TASP1: variants seen among roughly 807,000 people sequenced by gnomAD.
The protein encoded by TASP1 is taspase 1.
Under a neutral mutation model 56.6 loss-of-function variants are expected in TASP1, and 16 were observed. The observed-to-expected ratio is 0.28, with a 90% confidence interval of 0.19 to 0.43. TASP1 has a LOEUF of 0.43. TASP1 is among the 20% of genes least tolerant of loss of function. TASP1 has a pLI of 1.00. For missense variants in TASP1, 393 were observed against 511.6 expected (o/e 0.77, Z 2.24); for synonymous variants, 179 against 184.2 (o/e 0.97, Z 0.23).
chr20:13,566,923 TGAGTATATACCCAAAG>T (rs1438528542), intron 7 of TASP1, among the ~76,000 whole-genome samples: 15 of 152,200 alleles, frequency 9.9e-5, no homozygotes, highest in Non-Finnish European at 1.9e-4. Flanking sequence ...ACCCCGTTAC[TGAGTATATACCCAAAG>T]GAATACAAGT....
the TASP1 span, among the ~76,000 whole-genome samples, chr20:13,193,738 G>A: frequency 6.6e-6 from 1 of 152,202 alleles, no homozygotes; most frequent in African/African-American, 2.4e-5. Flanking sequence ...CATTTCCTTT[G>A]GCATTTGTCC....
chr20:13,200,423 A>G, the TASP1 span, among the ~76,000 whole-genome samples: 4 of 152,114 alleles, frequency 2.6e-5, no homozygotes, highest in Non-Finnish European at 5.9e-5. Flanking sequence ...TCAACCCCAC[A>G]CCTACAAAAT....
the TASP1 span, among the ~76,000 whole-genome samples, chr20:13,291,986 T>C: frequency 6.6e-6 from 1 of 152,166 alleles, no homozygotes; most frequent in Non-Finnish European, 1.5e-5. Flanking sequence ...TGGCTAGTAA[T>C]GATTTCAACG....
chr20:13,564,570 A>G (rs1199882786), intron 7 of TASP1, among the ~76,000 whole-genome samples: 1 of 149,546 alleles, frequency 6.7e-6, no homozygotes, highest in Non-Finnish European at 1.5e-5. Context: ...TTTTTTTTTT[A>G]AGAAATAGAA....
At chr20:13,445,870 T>G (rs2043391804) in intron 11 of TASP1, among the ~76,000 whole-genome samples, 1 of 152,132 alleles carries the variant, frequency 6.6e-6, no homozygotes, top group African/African-American at 2.4e-5. Context: ...ATCTGCATAT[T>G]AATACTAAAC....
At chr20:13,318,471 T>C in the TASP1 span, among the ~76,000 whole-genome samples, 1 of 152,232 alleles carries the variant, frequency 6.6e-6, no homozygotes, top group Non-Finnish European at 1.5e-5. Flanking sequence ...ACAATTGTGC[T>C]GCTTGGTATT....
intron 9 of TASP1, among the ~76,000 whole-genome samples, chr20:13,531,608 A>G (rs1485625577): frequency 6.6e-6 from 1 of 150,766 alleles, no homozygotes; most frequent in Non-Finnish European, 1.5e-5. Flanking sequence ...CTCCTGCCTC[A>G]GTCTCCCCAA....
At chr20:13,235,084 C>A in the TASP1 span, among the ~76,000 whole-genome samples, 66 of 152,174 alleles carry the variant, frequency 4.3e-4, no homozygotes, top group Admixed American at 4.3e-3. Context: ...GACAACTACT[C>A]CAAATCTCAA....
At chr20:13,362,563 A>G in the TASP1 span, among the ~76,000 whole-genome samples, 22 of 150,042 alleles carry the variant, frequency 1.5e-4, no homozygotes, top group South Asian at 6.3e-4. Flanking sequence ...CCTATAAAAC[A>G]GCCCCACCCT....
At chr20:13,415,256 T>C (rs182197990) in intron 13 of TASP1, among the ~76,000 whole-genome samples, 2 of 152,144 alleles carry the variant, frequency 1.3e-5, no homozygotes, top group East Asian at 3.9e-4. Context: ...GAGAGGAAGG[T>C]CCAAAGCTTA....
At chr20:13,442,975 T>C (rs1020944821) in intron 11 of TASP1, among the ~76,000 whole-genome samples, 1 of 152,194 alleles carries the variant, frequency 6.6e-6, no homozygotes, top group African/African-American at 2.4e-5. Context: ...AGTTTTTTCA[T>C]TATAAATAAC....
At chr20:13,136,640 T>C in the TASP1 span, among the ~76,000 whole-genome samples, 1 of 146,958 alleles carries the variant, frequency 6.8e-6, no homozygotes, top group African/African-American at 2.5e-5. Flanking sequence ...AAAAATTATA[T>C]ACATGTATAT....
Position 13,417,363 on chromosome 20 carries a change from A to C in TASP1, c.1170+85T>G, listed in dbSNP as rs1450810783. ...AGCTACTGCCCAAAAAAAGCTGAAA[A>C]AATTCATCCACATCAACTTAGCTGG... On this transcript the variant is annotated intron_variant, in intron 13 of 13. Transcript: ENST00000337743. 8 of 1,466,364 alleles carry C rather than the reference A, an allele frequency of 5.5e-6. No individual in the cohort carries two copies. In the Admixed American group the frequency reaches 9.8e-5, roughly 18 times the overall value. 90.8% of individuals were successfully genotyped at this position (1,466,364 alleles called of 1,614,324 possible).
chr20:13,550,433 A>T (rs1380586419), intron 8 of TASP1, among the ~76,000 whole-genome samples: 1 of 152,066 alleles, frequency 6.6e-6, no homozygotes, highest in Non-Finnish European at 1.5e-5. Flanking sequence ...AGTAATCAAG[A>T]TAGTCTTATG....
the TASP1 span, among the ~76,000 whole-genome samples, chr20:13,303,738 C>A: frequency 0.055 from 8,430 of 152,276 alleles, 321 homozygotes; most frequent in Admixed American, 0.093. Context: ...TATACATACG[C>A]CAGATACCAG....
the TASP1 span, among the ~76,000 whole-genome samples, chr20:13,219,516 T>C: frequency 1.3e-5 from 2 of 149,520 alleles, no homozygotes; most frequent in African/African-American, 4.9e-5. Flanking sequence ...AGAAATAAGA[T>C]GTCTGACAGG....
At chr20:13,592,457 T>C (rs1195220313) in intron 4 of TASP1, among the ~76,000 whole-genome samples, 1 of 151,630 alleles carries the variant, frequency 6.6e-6, no homozygotes, top group Non-Finnish European at 1.5e-5. Context: ...GCTCACTGAC[T>C]GTCAGAAAAC....
At chr20:13,557,670 C>G (rs113808975) in intron 8 of TASP1, among the ~76,000 whole-genome samples, 1 of 148,236 alleles carries the variant, frequency 6.7e-6, no homozygotes, top group Admixed American at 6.8e-5. Flanking sequence ...AGCCTTGACA[C>G]CCCAGACTCA....
At chr20:13,105,619 A>G in the TASP1 span, among the ~76,000 whole-genome samples, 1 of 152,168 alleles carries the variant, frequency 6.6e-6, no homozygotes, top group Non-Finnish European at 1.5e-5. Context: ...CTGAATTTAC[A>G]TATTTTTTCC....
Sources: gnomAD v4.1 joint callset for allele counts (sites outside exome capture counted in the v4.1 genomes callset) on GRCh38, gnomAD v4.1.1 for gene constraint, MANE v1.5 for transcripts, NCBI Gene and HGNC (gene_info 2026-07-23, HGNC 2026-07-21) for gene names.